The following FRMD5 variants were observed in gnomAD, a reference collection of about 807,000 sequenced individuals.
FRMD5 encodes FERM domain containing 5.
In FRMD5, 20 loss-of-function variants were observed where a neutral mutation model predicts 69.0. The ratio of observed to expected loss-of-function variants is 0.29; its 90% CI spans 0.20 to 0.42. The LOEUF (loss-of-function observed/expected upper bound fraction) is 0.42. Ranked by LOEUF, FRMD5 falls within the 10% of genes least tolerant of loss-of-function variation. The pLI, the probability that FRMD5 is intolerant of heterozygous loss-of-function variation, is 1.00. For synonymous variants in FRMD5, 271 were observed against 260.1 expected (o/e 1.04, Z -0.40); for missense variants, 595 against 708.6 (o/e 0.84, Z 1.82).
At chr15:44,183,334 T>G (rs142720957) in intron 1 of FRMD5, among the ~76,000 whole-genome samples, 131 of 152,256 alleles carry the variant, frequency 8.6e-4, no homozygotes, top group African/African-American at 3.1e-3. Flanking sequence ...GAAAACCATG[T>G]AGGATTTTTA....
chr15:44,175,403 C>A (rs1012457430), intron 1 of FRMD5, among the ~76,000 whole-genome samples: 1 of 152,088 alleles, frequency 6.6e-6, no homozygotes, highest in Non-Finnish European at 1.5e-5. Flanking sequence ...TAAATTAAAA[C>A]CTCAATGAAA....
chr15:43,944,533 G>T (rs371039418), intron 1 of FRMD5, among the ~76,000 whole-genome samples: 76 of 151,778 alleles, frequency 5.0e-4, no homozygotes, highest in African/African-American at 1.8e-3. Flanking sequence ...GGGTTCAAGT[G>T]ATTCTCTTGC....
At chr15:43,998,705 A>T (rs1265721413) in intron 1 of FRMD5, among the ~76,000 whole-genome samples, 1 of 152,234 alleles carries the variant, frequency 6.6e-6, no homozygotes, top group Non-Finnish European at 1.5e-5. Flanking sequence ...TGGCCAGAGG[A>T]TTCTATCCCT....
intron 1 of FRMD5, among the ~76,000 whole-genome samples, chr15:44,079,959 G>C (rs1893929888): frequency 6.6e-6 from 1 of 151,898 alleles, no homozygotes; most frequent in Non-Finnish European, 1.5e-5. Context: ...AAATAGAATG[G>C]GGAGCTACTA....
At chr15:44,153,081 G>A (rs190529334) in intron 1 of FRMD5, among the ~76,000 whole-genome samples, 9 of 152,322 alleles carry the variant, frequency 5.9e-5, no homozygotes, top group African/African-American at 2.2e-4. Flanking sequence ...ACAGGATGTG[G>A]AGAAACTGGA....
chr15:44,190,397 C>A (rs1343144043), intron 1 of FRMD5, among the ~76,000 whole-genome samples: 2 of 152,086 alleles, frequency 1.3e-5, no homozygotes, highest in East Asian at 3.9e-4. Flanking sequence ...ATCCCTACAT[C>A]CAAAATCCTA....
At chr15:43,983,665 C>T (rs1473974043) in intron 1 of FRMD5, among the ~76,000 whole-genome samples, 1 of 152,184 alleles carries the variant, frequency 6.6e-6, no homozygotes, top group Non-Finnish European at 1.5e-5. Flanking sequence ...CTAAATCTAG[C>T]CCTAAACAAA....
intron 1 of FRMD5, among the ~76,000 whole-genome samples, chr15:44,193,475 G>A (rs567241387): frequency 2.2e-4 from 33 of 152,186 alleles, no homozygotes; most frequent in East Asian, 3.9e-4. Context: ...GATACAATAG[G>A]AACAAAAAGT....
At chr15:44,186,423 G>C (rs958937194) in intron 1 of FRMD5, among the ~76,000 whole-genome samples, 2 of 152,176 alleles carry the variant, frequency 1.3e-5, no homozygotes, top group Non-Finnish European at 2.9e-5. Context: ...GAGAAAAAAG[G>C]CTCTGCACCT....
intron 4 of FRMD5, among the ~76,000 whole-genome samples, chr15:43,912,875 A>C (rs1254889676): frequency 6.6e-6 from 1 of 151,546 alleles, no homozygotes; most frequent in Non-Finnish European, 1.5e-5. Context: ...AAAAAAAAAA[A>C]AAAAAATTAG....
At chr15:44,035,542 G>C (rs915221604) in intron 1 of FRMD5, among the ~76,000 whole-genome samples, 1 of 152,070 alleles carries the variant, frequency 6.6e-6, no homozygotes, top group Admixed American at 6.6e-5. Context: ...TTCATTTGAA[G>C]GCATCAAAAT....
intron 1 of FRMD5, among the ~76,000 whole-genome samples, chr15:44,088,779 T>C (rs1421358434): frequency 6.6e-6 from 1 of 152,228 alleles, no homozygotes; most frequent in Non-Finnish European, 1.5e-5. Flanking sequence ...ATCTTCATTT[T>C]ACAAAGGAGG....
chr15:43,950,260 C>G (rs8042714), intron 1 of FRMD5, among the ~76,000 whole-genome samples: 35,183 of 151,988 alleles, frequency 0.23, 7,092 homozygotes, highest in African/African-American at 0.54. Flanking sequence ...GATAGGTGAA[C>G]GAAGGAGTAG....
At chr15:43,934,860 G>A (rs982134107) in intron 1 of FRMD5, among the ~76,000 whole-genome samples, 3 of 152,186 alleles carry the variant, frequency 2.0e-5, no homozygotes, top group African/African-American at 4.8e-5. Context: ...TATATGCGAG[G>A]GCTTTAGGCG....
chr15:44,040,992 CAAAAAAAAAAAAAAAAAAAAAAAAA>C lies in FRMD5; in HGVS notation c.103-116708_103-116684del, dbSNP rs71421819. 1.7e-3 allele frequency among the ~76,000 whole-genome samples: 29 copies of C among 17,504 alleles called. No homozygotes were observed. In the South Asian group the frequency reaches 0.074, roughly 45 times the overall value. 11.5% of individuals were successfully genotyped at this position (17,504 alleles called of 152,430 possible). Reference sequence around the variant, plus strand: ...GAATATTTACCAAGGAAATGGAAAGCAAAAAAAAAAAAAAAAAAAAAAAAAAAAAAAAAAAAAAAAAGCAGGGGTT... The same window carrying C: ...GAATATTTACCAAGGAAATGGAAAGCAAAAAAAAAAAAAAAAGCAGGGGTT... On this transcript the variant is annotated intron_variant, in intron 1 of 13. Coordinates refer to ENST00000417257, the MANE Select transcript of FRMD5 (RefSeq NM_032892.5).
At position 43,918,935 on chromosome 15, in the gene FRMD5, G is replaced by A. The variant is rs968995525; in HGVS notation, c.329+524C>T. On this transcript the variant is annotated intron_variant, in intron 4 of 13. Coordinates refer to ENST00000417257, the MANE Select transcript of FRMD5 (RefSeq NM_032892.5). ...ACAGGATGCATTCCACGCAGCTGTC[G>A]GCCTGCCACAGAACATGATCCCCAC... 8 of 188,972 alleles carry A rather than the reference G, an allele frequency of 4.2e-5. 1 individual carries two copies. Among genetic ancestry groups the A allele is most frequent in the Admixed American group, 2.7e-4 (5 of 18,558 alleles). The allele number at this position is 188,972 out of a possible 1,614,324, so 11.7% of individuals were successfully genotyped here. A position where few individuals can be genotyped will look rare whatever the true frequency, so the allele number is the denominator to read the frequency against.
chr15:43,957,413 T>A (rs1199538479), intron 1 of FRMD5, among the ~76,000 whole-genome samples: 1 of 152,206 alleles, frequency 6.6e-6, no homozygotes, highest in Non-Finnish European at 1.5e-5. Flanking sequence ...GCCAGGCTGG[T>A]ATCAAACTCC....
chr15:44,138,303 A>C (rs1435320137), intron 1 of FRMD5, among the ~76,000 whole-genome samples: 1 of 152,230 alleles, frequency 6.6e-6, no homozygotes, highest in Non-Finnish European at 1.5e-5. Flanking sequence ...ATAGCCATAA[A>C]ACATAGAGAT....
chr15:44,197,370 A>G (rs561397023), upstream of FRMD5, among the ~76,000 whole-genome samples: 18 of 152,186 alleles, frequency 1.2e-4, no homozygotes, highest in Non-Finnish European at 2.4e-4. Flanking sequence ...CAGCTTTGTT[A>G]TGTAGCTGTA....
Sources: gnomAD v4.1 joint callset for allele counts (sites outside exome capture counted in the v4.1 genomes callset) on GRCh38, gnomAD v4.1.1 for gene constraint, MANE v1.5 for transcripts, NCBI Gene and HGNC (gene_info 2026-07-23, HGNC 2026-07-21) for gene names.